Variants in NRG3 observed in about 807,000 individuals in gnomAD.
NRG3 encodes the protein neuregulin 3, also known as pro-neuregulin-3, membrane-bound isoform.
A neutral mutation model predicts 66.9 loss-of-function variants in NRG3; 31 were observed. The ratio of observed to expected loss-of-function variants is 0.46; its 90% confidence interval spans 0.35 to 0.63. The LOEUF (loss-of-function observed/expected upper bound fraction) is 0.63. Among genes scored for constraint, NRG3 ranks in the 20% least tolerant of loss-of-function variants. NRG3 has a pLI of 0.00. For missense variants in NRG3, 910 were observed against 878.9 expected, an observed-to-expected ratio of 1.04 and a Z score of -0.45; for synonymous variants, 393 against 359.4, an observed-to-expected ratio of 1.09 and a Z score of -1.06.
intron 1 of NRG3, among the ~76,000 whole-genome samples, chr10:82,193,608 G>A (rs1281148481): frequency 6.6e-6 from 1 of 152,184 alleles, no homozygotes; most frequent in Non-Finnish European, 1.5e-5. Flanking sequence ...AAGAAGTGGA[G>A]TGATTAGAAG....
intron 1 of NRG3, among the ~76,000 whole-genome samples, chr10:82,249,407 G>C (rs1400926508): frequency 6.6e-6 from 1 of 152,120 alleles, no homozygotes; most frequent in African/African-American, 2.4e-5. Context: ...CAGGAATAGA[G>C]GGTACTTATG....
chr10:82,576,913 G>A (rs1291019351), intron 2 of NRG3, among the ~76,000 whole-genome samples: 1 of 151,722 alleles, frequency 6.6e-6, no homozygotes. Context: ...CTCATCATCA[G>A]CTTCCTTCTA....
At chr10:82,845,795 T>G (rs2063284139) in intron 3 of NRG3, among the ~76,000 whole-genome samples, 1 of 152,176 alleles carries the variant, frequency 6.6e-6, no homozygotes, top group Admixed American at 6.6e-5. Context: ...AATATTTCTG[T>G]GAAATCGAAT....
chr10:82,123,823 C>A, intron 1 of NRG3, among the ~76,000 whole-genome samples: 1 of 149,800 alleles, frequency 6.7e-6, no homozygotes, highest in Non-Finnish European at 1.5e-5. Context: ...CCCCAGAGCT[C>A]TGGAGCATCT....
At chr10:82,204,819 G>A (rs948173664) in intron 1 of NRG3, among the ~76,000 whole-genome samples, 1 of 152,150 alleles carries the variant, frequency 6.6e-6, no homozygotes, top group Non-Finnish European at 1.5e-5. Flanking sequence ...GGCTATTTAA[G>A]CTCCTTCTTT....
chr10:82,175,960 G>C (rs1470543180), intron 1 of NRG3, among the ~76,000 whole-genome samples: 4 of 152,112 alleles, frequency 2.6e-5, no homozygotes, highest in Non-Finnish European at 5.9e-5. Flanking sequence ...GAGAAAATAA[G>C]AATTTGACCA....
intron 2 of NRG3, among the ~76,000 whole-genome samples, chr10:82,602,753 G>C (rs1227995162): frequency 6.6e-6 from 1 of 152,110 alleles, no homozygotes; most frequent in East Asian, 1.9e-4. Flanking sequence ...CTCTTGATAA[G>C]AAATGGACAA....
chr10:81,989,968 G>T lies in NRG3; in HGVS notation c.823+113805G>T, dbSNP rs541233194. Reference sequence around the variant, plus strand: ...AAATTAGGAGAAGGCTAATTGTTCAGGGGGCAAATTTTTTACAGTAGGAAT... The same window carrying T: ...AAATTAGGAGAAGGCTAATTGTTCATGGGGCAAATTTTTTACAGTAGGAAT... On this transcript the variant is annotated intron_variant, in intron 1 of 8. Transcript: ENST00000372141. Among the ~76,000 whole-genome samples the T allele has an allele frequency of 1.4e-3, 208 of 152,274 alleles. 1 individual carries two copies. Among genetic ancestry groups the T allele is most frequent in the African/African-American group, 4.5e-3 (187 of 41,574 alleles).
At chr10:82,813,211 C>CT (rs58875697) in intron 3 of NRG3, among the ~76,000 whole-genome samples, 2,064 of 112,130 alleles carry the variant, frequency 0.018, 106 homozygotes, top group African/African-American at 0.05. Context: ...CTCTGTTTCT[C>CT]TTTTTTTTTT....
chr10:82,558,300 C>T (rs549660184), intron 2 of NRG3, among the ~76,000 whole-genome samples: 1 of 152,266 alleles, frequency 6.6e-6, no homozygotes, highest in South Asian at 2.1e-4. Flanking sequence ...CCTGAATTAC[C>T]ATTCTTCCTT....
At chr10:82,463,449 T>C (rs1200053758) in intron 2 of NRG3, among the ~76,000 whole-genome samples, 1 of 152,212 alleles carries the variant, frequency 6.6e-6, no homozygotes, top group East Asian at 1.9e-4. Flanking sequence ...CAGTTGGCTT[T>C]TTAAATAGCT....
chr10:82,473,224 A>G (rs1224870843), intron 2 of NRG3, among the ~76,000 whole-genome samples: 2 of 152,200 alleles, frequency 1.3e-5, no homozygotes, highest in Non-Finnish European at 2.9e-5. Context: ...CCTATTCAGA[A>G]CCACGCACTG....
rs118075430 is a variant in NRG3, at chr10:82,639,757, C to T, written c.954-98820C>T. Among the ~76,000 whole-genome samples the T allele has an allele frequency of 4.7e-3, 721 of 151,998 alleles. 3 individuals are homozygous for T. The highest frequency in any genetic ancestry group is 0.031 in the Middle Eastern group (9 of 294). On this transcript the variant is annotated intron_variant, in intron 2 of 8. Coordinates refer to ENST00000372141, the MANE Select transcript of NRG3 (RefSeq NM_001010848.4). ...AATTTCTTGGTAATGGCTGAAAGAGCCCTGATTATTTTTTTAATTTGACTT... is the reference window on the plus strand; with the variant it reads ...AATTTCTTGGTAATGGCTGAAAGAGTCCTGATTATTTTTTTAATTTGACTT...
intron 2 of NRG3, among the ~76,000 whole-genome samples, chr10:82,651,432 G>C (rs971685152): frequency 1.3e-5 from 2 of 152,222 alleles, no homozygotes; most frequent in African/African-American, 2.4e-5. Context: ...TTCCAAGACT[G>C]GGTCATAAAG....
chr10:82,065,116 C>CAAGGCAGTAATCAAACTATTA (rs2064376693), intron 1 of NRG3, among the ~76,000 whole-genome samples: 2 of 152,076 alleles, frequency 1.3e-5, no homozygotes. Context: ...AATGGATTTT[C>CAAGGCAGTAATCAAACTATTA]AAGGCCTTTA....
rs2066220165 is a variant in NRG3 at position 82,094,550 on chromosome 10, A to G, written c.823+218387A>G. Among the ~76,000 whole-genome samples, 3 of 152,342 alleles carry G rather than the reference A, an allele frequency of 2.0e-5. No homozygotes were observed. The South Asian group carries it at 6.2e-4, about 32-fold the overall frequency. On this transcript the variant is annotated intron_variant, in intron 1 of 8. Transcript: ENST00000372141. ...AAAAGAAACCTGCATTTGTATGTTT[A>G]TCACAATAGGAAAAGGAAAAGTACA...
At chr10:82,018,877 G>A (rs2061919853) in intron 1 of NRG3, among the ~76,000 whole-genome samples, 1 of 152,138 alleles carries the variant, frequency 6.6e-6, no homozygotes, top group Admixed American at 6.5e-5. Context: ...CATGTCATCT[G>A]CAAACAGGGA....
chr10:82,787,865 G>A (rs945059329), intron 3 of NRG3, among the ~76,000 whole-genome samples: 2 of 152,098 alleles, frequency 1.3e-5, no homozygotes. Context: ...ACTATGGTGG[G>A]GAGAACCACT....
intron 1 of NRG3, among the ~76,000 whole-genome samples, chr10:81,946,496 T>C (rs1347628578): frequency 6.6e-6 from 1 of 152,152 alleles, no homozygotes; most frequent in African/African-American, 2.4e-5. Context: ...CGGAAGGCTC[T>C]TGGCAGCCTC....
Sources: gnomAD v4.1 joint callset for allele counts (sites outside exome capture counted in the v4.1 genomes callset) on GRCh38, gnomAD v4.1.1 for gene constraint, MANE v1.5 for transcripts, NCBI Gene and HGNC (gene_info 2026-07-23, HGNC 2026-07-21) for gene names.